POTEF: variants seen among roughly 807,000 people sequenced by gnomAD.
The protein encoded by POTEF is POTE ankyrin domain family member F.
Under a neutral mutation model 83.2 loss-of-function variants are expected in POTEF, and 20 were observed. The ratio of observed to expected loss-of-function variants is 0.24; its 90% confidence interval spans 0.17 to 0.35. The LOEUF is 0.35. POTEF is among the 10% of genes least tolerant of loss of function. The pLI is 1.00. For synonymous variants in POTEF, 196 were observed against 446.4 expected, an observed-to-expected ratio of 0.44 and a Z score of 7.07; for missense variants, 550 against 1,203.2, an observed-to-expected ratio of 0.46 and a Z score of 8.03.
At chr2:130,121,990 G>A (rs1356366998) in intron 2 of POTEF, among the ~76,000 whole-genome samples, 2 of 151,662 alleles carry the variant, frequency 1.3e-5, no homozygotes, top group Admixed American at 6.6e-5. Context: ...CCAGCCCTAG[G>A]CAATCATCCA....
At chr2:130,123,022 A>G (rs1289475938) in intron 2 of POTEF, among the ~76,000 whole-genome samples, 1 of 133,202 alleles carries the variant, frequency 7.5e-6, no homozygotes, top group Non-Finnish European at 1.6e-5. Context: ...TCAGTTACAT[A>G]TAACGTTCTC....
At chr2:130,116,231 T>C (rs1292128249) in intron 3 of POTEF, among the ~76,000 whole-genome samples, 1 of 151,450 alleles carries the variant, frequency 6.6e-6, no homozygotes, top group African/African-American at 2.5e-5. Flanking sequence ...TTGTCAATAC[T>C]TAGATTTATA....
intron 2 of POTEF, among the ~76,000 whole-genome samples, chr2:130,123,609 CATA>C (rs1307050318): frequency 1.3e-5 from 2 of 151,698 alleles, no homozygotes; most frequent in Non-Finnish European, 2.9e-5. Flanking sequence ...CTAAATATCT[CATA>C]ATTATATTTA....
chr2:130,075,447 T>C lies in POTEF; in HGVS notation c.2025A>G (p.Lys675=), dbSNP rs553411346. 9.9e-6 allele frequency: 16 copies of C among 1,611,502 alleles called. No homozygotes were observed. The highest frequency in any genetic ancestry group is 3.3e-5 in the Admixed American group (2 of 59,956). ...TCACACTTTCAATATCCTCCAAATA[T>C]TTCTTTTCTCTTAGCTGGCTCTGAT... ...MKHQSQLREK[K]YLEDIESVKK... is the part of the protein sequence containing the mutation. The change falls in exon 17 of 17, where the codon AAA becomes AAG. Residue 675 remains lysine (K), a synonymous_variant. Coordinates refer to ENST00000409914, the MANE Select transcript of POTEF (RefSeq NM_001099771.2).
chr2:130,128,076 GC>G (rs1158073220), intron 1 of POTEF, among the ~76,000 whole-genome samples: 1 of 146,064 alleles, frequency 6.8e-6, no homozygotes, highest in East Asian at 2.0e-4. Flanking sequence ...AAATTGCTGG[GC>G]CCACCAGGGC....
At position 130,112,104 on chromosome 2, in the gene POTEF, G is replaced by A; in HGVS notation, c.811-3C>T. 5 of 1,481,048 alleles carry A rather than the reference G, an allele frequency of 3.4e-6. No individual in the cohort carries two copies. Among genetic ancestry groups the A allele is most frequent in the African/African-American group, 4.0e-5 (2 of 49,464 alleles). The allele number at this position is 1,481,048 out of a possible 1,614,324, so 91.7% of individuals were successfully genotyped here. A position where few individuals can be genotyped will look rare whatever the true frequency, so the allele number is the denominator to read the frequency against. ...AGTAACAGTGGTGTGAGGCCATGCTGTAAAACAATATAAAGCAAAAACCTA... is the reference window on the plus strand; with the variant it reads ...AGTAACAGTGGTGTGAGGCCATGCTATAAAACAATATAAAGCAAAAACCTA... On this transcript the variant is annotated splice_polypyrimidine_tract_variant and splice_region_variant and intron_variant, in intron 5 of 16. Transcript: ENST00000409914.
At chr2:130,105,563 G>A (rs1573605997) in intron 8 of POTEF, among the ~76,000 whole-genome samples, 1 of 151,444 alleles carries the variant, frequency 6.6e-6, no homozygotes, top group Non-Finnish European at 1.5e-5. Context: ...TTTTATAGGA[G>A]CTCAGTCATG....
Position 130,074,938 on chromosome 2 carries a change from G to A in POTEF, c.2534C>T (p.Ser845Phe). The change falls in exon 17 of 17, where the codon TCT (serine) becomes TTT (phenylalanine). Residue 845 changes from serine (S) to phenylalanine (F), a missense_variant. Transcript: ENST00000409914. ...AIQAVLSLYT[S>F]GRTTGIVMDS... is the part of the protein sequence containing the mutation. ...CATCACGATGCCAGTAGTACGGCCA[G>A]AGGTGTACAGGGACAGCACAGCCTG... The A allele has an allele frequency of 1.2e-6, 2 of 1,607,340 alleles. No individual in the cohort carries two copies. The highest frequency in any genetic ancestry group is 2.2e-5 in the South Asian group (2 of 90,690).
chr2:130,108,173 T>C (rs1354979215), intron 7 of POTEF, 94 bp from the exon 8 acceptor site: 3 of 1,488,056 alleles, frequency 2.0e-6, no homozygotes, highest in Non-Finnish European at 2.7e-6. Flanking sequence ...TTTCAAACAA[T>C]ATCAGAATAA....
chr2:130,115,567 G>C (rs1370579783), intron 3 of POTEF, among the ~76,000 whole-genome samples: 2 of 152,088 alleles, frequency 1.3e-5, no homozygotes, highest in Admixed American at 6.5e-5. Flanking sequence ...ACGTGGGCTG[G>C]AATCCTACTT....
rs1284589747 is a variant in POTEF at position 130,074,613 on chromosome 2, C to T, written c.2859G>A (p.Glu953=). 6.4e-7 allele frequency: 1 copy of T among 1,573,142 alleles called. No homozygotes were observed. Among genetic ancestry groups the T allele is most frequent in the Admixed American group, 1.8e-5 (1 of 55,260 alleles). Residue 953 remains glutamate (E), a synonymous_variant, in exon 17 of 17, where the codon GAG becomes GAA. Coordinates refer to ENST00000409914, the MANE Select transcript of POTEF (RefSeq NM_001099771.2). The part of the protein sequence containing the change: ...PDGQVITIGN[E]RFRCPEALFQ... ...AGAGCGCCTCGGGGCAGCGGAACCG[C>T]TCGTTGCCGATGGTGATGACCTGGC...
chr2:130,120,558 C>G lies in POTEF; in HGVS notation c.-43G>C, dbSNP rs759266588. ...GAGAAGCCAGTAGTAGCCAACAGAT[C>G]GCGTCTACCAACCAGTTTCACCAAC... On this transcript the variant is annotated 5_prime_UTR_variant, in exon 3 of 17. Transcript: ENST00000409914. 1 of 1,609,396 alleles carries G rather than the reference C, an allele frequency of 6.2e-7. No homozygotes were observed. Among genetic ancestry groups the G allele is most frequent in the South Asian group, 1.1e-5 (1 of 90,860 alleles).
intron 6 of POTEF, 130 bp downstream of exon 6, chr2:130,111,865 A>C: frequency 3.2e-6 from 2 of 625,458 alleles, no homozygotes; most frequent in East Asian, 3.6e-5. Flanking sequence ...TTGTTTTTCT[A>C]CCTAACTGAT....
At position 130,112,115 on chromosome 2, in the gene POTEF, T is replaced by C; in HGVS notation, c.811-14A>G. On this transcript the variant is annotated splice_polypyrimidine_tract_variant and intron_variant, in intron 5 of 16. Coordinates refer to ENST00000409914, the MANE Select transcript of POTEF (RefSeq NM_001099771.2). ...TGTGAGGCCATGCTGTAAAACAATA[T>C]AAAGCAAAAACCTATGTAATTCAAA... The C allele has an allele frequency of 6.9e-7, 1 of 1,455,778 alleles. No individual in the cohort carries two copies. The highest frequency in any genetic ancestry group is 9.1e-7 in the Non-Finnish European group (1 of 1,094,016). The allele number at this position is 1,455,778 out of a possible 1,614,324, so 90.2% of individuals were successfully genotyped here. A position where few individuals can be genotyped will look rare whatever the true frequency, so the allele number is the denominator to read the frequency against.
At chr2:130,117,637 A>G (rs1486966714) in intron 3 of POTEF, among the ~76,000 whole-genome samples, 1 of 151,950 alleles carries the variant, frequency 6.6e-6, no homozygotes, top group Admixed American at 6.6e-5. Flanking sequence ...GACAACCTCA[A>G]TAGTTACATA....
At chr2:130,127,198 G>A (rs1264156430) in intron 2 of POTEF, among the ~76,000 whole-genome samples, 11 of 150,990 alleles carry the variant, frequency 7.3e-5, no homozygotes, top group South Asian at 4.2e-4. Flanking sequence ...GGTGGCAGGC[G>A]CCTGTAGTCC....
chr2:130,115,969 G>C (rs1291714849), intron 3 of POTEF, among the ~76,000 whole-genome samples: 1 of 151,894 alleles, frequency 6.6e-6, no homozygotes, highest in Non-Finnish European at 1.5e-5. Context: ...TCTTATTGAG[G>C]CATAAAATAA....
intron 2 of POTEF, among the ~76,000 whole-genome samples, chr2:130,124,397 A>G (rs1215624921): frequency 3.8e-5 from 4 of 106,624 alleles, no homozygotes; most frequent in Non-Finnish European, 7.4e-5. Flanking sequence ...TTTATGAATC[A>G]TAACACAACT....
chr2:130,127,276 G>A (rs1304034610), intron 2 of POTEF, among the ~76,000 whole-genome samples: 5 of 114,472 alleles, frequency 4.4e-5, no homozygotes, highest in Non-Finnish European at 6.5e-5. Context: ...AGTGAGCCGA[G>A]ATCACACCAC....
Sources: gnomAD v4.1 joint callset for allele counts (sites outside exome capture counted in the v4.1 genomes callset) on GRCh38, gnomAD v4.1.1 for gene constraint, MANE v1.5 for transcripts, NCBI Gene and HGNC (gene_info 2026-07-23, HGNC 2026-07-21) for gene names.